The following CCDC70 variants were observed in gnomAD, a reference collection of about 807,000 sequenced individuals.
CCDC70 encodes coiled-coil domain-containing protein 70.
In CCDC70, 4 loss-of-function variants were observed where a neutral mutation model predicts 9.1. The observed-to-expected ratio is 0.44, with a 90% CI of 0.22 to 1.00. The LOEUF is 1.00. CCDC70 is among the 50% of genes least tolerant of loss of function. The probability of loss-of-function intolerance (pLI) is 0.25; values close to 1 mark genes in which losing one functional copy is unlikely to be tolerated. For missense variants in CCDC70, 308 were observed against 271.3 expected (o/e 1.14, Z -0.95); for synonymous variants, 119 against 94.0 (o/e 1.27, Z -1.54).
Position 51,865,558 on chromosome 13 carries a change from A to G in CCDC70, c.147A>G (p.Glu49=), listed in dbSNP as rs1198143822. ...GCGAAGAGATGAAAATTTTTCGTGAAAAAATAGAGGACTTCAGGGAAGAGA... is the reference window on the plus strand; with the variant it reads ...GCGAAGAGATGAAAATTTTTCGTGAGAAAATAGAGGACTTCAGGGAAGAGA... ...AFREEMKIFR[E]KIEDFREEMW... Residue 49 remains glutamate, a synonymous_variant, in exon 2 of 2, where the codon GAA becomes GAG. Coordinates refer to ENST00000242819, the MANE Select transcript of CCDC70 (RefSeq NM_031290.4). 5 of 1,614,238 alleles carry G rather than the reference A, an allele frequency of 3.1e-6. No individual in the cohort carries two copies. The South Asian group carries it at 3.3e-5, about 11-fold the overall frequency.
At chr13:51,863,178 A>T (rs1477789592) in intron 1 of CCDC70, among the ~76,000 whole-genome samples, 1 of 152,248 alleles carries the variant, frequency 6.6e-6, no homozygotes, top group Non-Finnish European at 1.5e-5. Context: ...CAAGAGCTGA[A>T]TAGAGCCCGT....
chr13:51,863,817 T>C (rs910715907), intron 1 of CCDC70, among the ~76,000 whole-genome samples: 1 of 152,024 alleles, frequency 6.6e-6, no homozygotes, highest in Non-Finnish European at 1.5e-5. Context: ...GGATGATGGG[T>C]TGGTGAGATC....
In CCDC70 at chr13:51,865,337, G is replaced by A. The variant is rs1271926596; in HGVS notation, c.-75G>A. ...CTTTTCTGCTGCCCCCACAGGGTCT[G>A]ACCAGCCGACCTGGACCTGGCCAAG... On this transcript the variant is annotated 5_prime_UTR_variant, in exon 2 of 2. Transcript: ENST00000242819. 1 of 1,523,282 alleles carries A rather than the reference G, an allele frequency of 6.6e-7. No individual in the cohort carries two copies. Among genetic ancestry groups the A allele is most frequent in the Admixed American group, 2.1e-5 (1 of 47,128 alleles). The allele number at this position is 1,523,282 out of a possible 1,614,324, so 94.4% of individuals were successfully genotyped here. A position where few individuals can be genotyped will look rare whatever the true frequency, so the allele number is the denominator to read the frequency against.
rs1326740147 is a variant in CCDC70, at chr13:51,865,544, A to G, written c.133A>G (p.Lys45Glu). Residue 45 changes from lysine to glutamate, a missense_variant, in exon 2 of 2, where the codon AAA becomes GAA. Coordinates refer to ENST00000242819, the MANE Select transcript of CCDC70 (RefSeq NM_031290.4). ...QEEKAFREEMKIFREKIEDFR... is the reference protein window; with the variant it reads ...QEEKAFREEMEIFREKIEDFR... Reference sequence around the variant, plus strand: ...GGAAAAGGCTTTTCGCGAAGAGATGAAAATTTTTCGTGAAAAAATAGAGGA... The same window carrying G: ...GGAAAAGGCTTTTCGCGAAGAGATGGAAATTTTTCGTGAAAAAATAGAGGA... 1.2e-6 allele frequency: 2 copies of G among 1,614,124 alleles called. No individual in the cohort carries two copies. The highest frequency in any genetic ancestry group is 1.7e-6 in the Non-Finnish European group (2 of 1,180,046).
At chr13:51,864,007 T>G (rs1300221812) in intron 1 of CCDC70, among the ~76,000 whole-genome samples, 1 of 152,168 alleles carries the variant, frequency 6.6e-6, no homozygotes, top group Admixed American at 6.5e-5. Flanking sequence ...GTTACAGGGA[T>G]TGCTATGGAT....
At chr13:51,863,688 C>CAT (rs1956398457) in intron 1 of CCDC70, among the ~76,000 whole-genome samples, 1 of 130,490 alleles carries the variant, frequency 7.7e-6, no homozygotes, top group Non-Finnish European at 1.7e-5. Context: ...CACACACACA[C>CAT]ACACACACAC....
rs767574950 is a variant in CCDC70 at position 51,865,498 on chromosome 13, ACTAATG to A, written c.89_94del (p.Leu30_Met31del). 6.2e-7 allele frequency: 1 copy of A among 1,614,220 alleles called. No individual in the cohort carries two copies. Among genetic ancestry groups the A allele is most frequent in the Admixed American group, 1.7e-5 (1 of 60,020 alleles). Reference sequence around the variant, plus strand: ...CCTCTCCCAGTATTCGCCAGAAGAAACTAATGCACAAGCTGCAGGAGGAAAAGGCTT... The same window carrying A: ...CCTCTCCCAGTATTCGCCAGAAGAAACACAAGCTGCAGGAGGAAAAGGCTT... On this transcript the variant is annotated inframe_deletion, in exon 2 of 2. Coordinates refer to ENST00000242819, the MANE Select transcript of CCDC70 (RefSeq NM_031290.4).
Position 51,865,817 on chromosome 13 carries a change from C to A in CCDC70, c.406C>A (p.Arg136=), listed in dbSNP as rs957715528. The A allele has an allele frequency of 6.2e-7, 1 of 1,614,148 alleles. No individual in the cohort carries two copies. The highest frequency in any genetic ancestry group is 1.3e-5 in the African/African-American group (1 of 75,022). The change falls in exon 2 of 2, where the codon CGG becomes AGG. Residue 136 remains arginine (R), a synonymous_variant. Transcript: ENST00000242819. ...GGACAATGCCTTATGGGAAAGAGAC[C>A]GGAACCTTCTTCAGGAGGACAAGGC... The part of the protein sequence containing the change: ...KEDNALWERD[R]NLLQEDKALW...
chr13:51,862,293 T>C (rs185013376), intron 1 of CCDC70, 64 bp downstream of exon 1: 1 of 152,324 alleles, frequency 6.6e-6, no homozygotes, highest in East Asian at 1.9e-4. Flanking sequence ...TATATAATAT[T>C]TTCCTTAAAA....
chr13:51,866,202 T>A lies in CCDC70; in HGVS notation c.*122T>A. The stretch of plus-strand genomic sequence containing the variant: ...GGTCTCCTTGCTTTGAAAGATCCAA[T>A]AAAGTCCTGAGGCAAGGTTTGGAAA... On this transcript the variant is annotated 3_prime_UTR_variant, in exon 2 of 2. Coordinates refer to ENST00000242819, the MANE Select transcript of CCDC70 (RefSeq NM_031290.4). 1.1e-6 allele frequency: 1 copy of A among 886,000 alleles called. No homozygotes were observed. Among genetic ancestry groups the A allele is most frequent in the Non-Finnish European group, 1.7e-6 (1 of 603,630 alleles). The allele number at this position is 886,000 out of a possible 1,614,324, so 54.9% of individuals were successfully genotyped here.
Position 51,865,481 on chromosome 13 carries a change from A to C in CCDC70, c.70A>C (p.Ser24Arg). ...CCGGTCCCTGGCGGCATCCTCTCCC[A>C]GTATTCGCCAGAAGAAACTAATGCA... is the stretch of plus-strand genomic sequence containing the variant. ...CFRSLAASSP[S>R]IRQKKLMHKL... is the part of the protein sequence containing the mutation. The change falls in exon 2 of 2, where the codon AGT becomes CGT. Residue 24 changes from serine to arginine, a missense_variant. Physicochemically the swap from Ser to Arg is moderately radical, Grantham distance 110. Transcript: ENST00000242819. The C allele has an allele frequency of 6.2e-7, 1 of 1,614,240 alleles. No homozygotes were observed. The highest frequency in any genetic ancestry group is 8.5e-7 in the Non-Finnish European group (1 of 1,180,042).
Position 51,865,945 on chromosome 13 carries a change from T to C in CCDC70, c.534T>C (p.Asn178=). The stretch of plus-strand genomic sequence containing the variant: ...AAACGTCCCTCTGGGAGGAAGAGAA[T>C]GCCCTCTGGGAGGAAGAGAGGGCCT... ...EDKTSLWEEE[N]ALWEEERAFW... is the part of the protein sequence containing the mutation. Residue 178 remains asparagine (N), a synonymous_variant, in exon 2 of 2, where the codon AAT becomes AAC. Coordinates refer to ENST00000242819, the MANE Select transcript of CCDC70 (RefSeq NM_031290.4). 2 of 1,613,874 alleles carry C rather than the reference T, an allele frequency of 1.2e-6. No homozygotes were observed. The highest frequency in any genetic ancestry group is 1.7e-6 in the Non-Finnish European group (2 of 1,179,942).
chr13:51,864,081 CCCTT>C (rs1956401795), intron 1 of CCDC70, among the ~76,000 whole-genome samples: 1 of 150,120 alleles, frequency 6.7e-6, no homozygotes, highest in Non-Finnish European at 1.5e-5. Context: ...TTCCCTCCCT[CCCTT>C]CCTTCCCTCC....
chr13:51,861,991 T>C lies in CCDC70; in HGVS notation c.-319T>C, dbSNP rs907895102. The C allele has an allele frequency of 1.3e-5, 2 of 152,280 alleles. No individual in the cohort carries two copies. Among genetic ancestry groups the C allele is most frequent in the Non-Finnish European group, 2.9e-5 (2 of 68,068 alleles). 9.4% of individuals were successfully genotyped at this position (152,280 alleles called of 1,614,324 possible). A position where few individuals can be genotyped will look rare whatever the true frequency, so the allele number is the denominator to read the frequency against. ...ACTGCCCTATCAGTGAAGTCAAAGA[T>C]TGAAGAGGAACTCTTTCAAACCTTT... On this transcript the variant is annotated 5_prime_UTR_variant, in exon 1 of 2. Coordinates refer to ENST00000242819, the MANE Select transcript of CCDC70 (RefSeq NM_031290.4).
chr13:51,866,085 C>A lies in CCDC70; in HGVS notation c.*5C>A, dbSNP rs1276832325. 6.4e-7 allele frequency: 1 copy of A among 1,561,504 alleles called. No individual in the cohort carries two copies. Among genetic ancestry groups the A allele is most frequent in the South Asian group, 1.2e-5 (1 of 81,558 alleles). On this transcript the variant is annotated 3_prime_UTR_variant, in exon 2 of 2. Transcript: ENST00000242819. ...TTCTCCCGAGGCAGGGCGTAGCCAG[C>A]ATGCAGGTGCAGGGCCCTGTGGTCC... is the stretch of plus-strand genomic sequence containing the variant.
intron 1 of CCDC70, among the ~76,000 whole-genome samples, chr13:51,863,536 TGAGGA>T (rs1956396503): frequency 1.3e-5 from 2 of 152,122 alleles, no homozygotes; most frequent in Admixed American, 1.3e-4. Flanking sequence ...GCTTGATGGT[TGAGGA>T]GAGAAGTCTG....
In CCDC70 at chr13:51,865,800, C is replaced by T. The variant is rs1410260413; in HGVS notation, c.389C>T (p.Ala130Val). ...EDKAFWKEDN[A>V]LWERDRNLLQ... ...AAGGCCTTCTGGAAAGAGGACAATGCCTTATGGGAAAGAGACCGGAACCTT... is the reference window on the plus strand; with the variant it reads ...AAGGCCTTCTGGAAAGAGGACAATGTCTTATGGGAAAGAGACCGGAACCTT... Residue 130 changes from alanine (A) to valine (V), a missense_variant, in exon 2 of 2, where the codon GCC (alanine) becomes GTC (valine). Ala to Val is a moderately conservative substitution (Grantham distance 64). Coordinates refer to ENST00000242819, the MANE Select transcript of CCDC70 (RefSeq NM_031290.4). 1.9e-6 allele frequency: 3 copies of T among 1,614,168 alleles called. No homozygotes were observed. Among genetic ancestry groups the T allele is most frequent in the Non-Finnish European group, 2.5e-6 (3 of 1,180,030 alleles).
Position 51,866,076 on chromosome 13 carries a change from C to T in CCDC70, c.665C>T (p.Ala222Val), listed in dbSNP as rs144193985. 396 of 1,569,098 alleles carry T rather than the reference C, an allele frequency of 2.5e-4. No individual in the cohort carries two copies. The African/African-American group carries it at 4.8e-3, about 19-fold the overall frequency. The change falls in exon 2 of 2, where the codon GCG becomes GTG. Residue 222 changes from alanine to valine, a missense_variant. Ala to Val is a moderately conservative substitution (Grantham distance 64). Coordinates refer to ENST00000242819, the MANE Select transcript of CCDC70 (RefSeq NM_031290.4). ...QRLLAFSRGR[A>V] ...TTGCTGGCCTTCTCCCGAGGCAGGG[C>T]GTAGCCAGCATGCAGGTGCAGGGCC...
In CCDC70 at chr13:51,865,924, G is replaced by T. The variant is rs372624057; in HGVS notation, c.513G>T (p.Thr171=). The part of the protein sequence containing the change: ...EGEKALWEDK[T]SLWEEENALW... The stretch of plus-strand genomic sequence containing the variant: ...AGAAAGCCCTGTGGGAAGATAAAAC[G>T]TCCCTCTGGGAGGAAGAGAATGCCC... The change falls in exon 2 of 2, where the codon ACG becomes ACT. Residue 171 remains threonine, a synonymous_variant. Coordinates refer to ENST00000242819, the MANE Select transcript of CCDC70 (RefSeq NM_031290.4). The T allele has an allele frequency of 6.2e-7, 1 of 1,614,014 alleles. No homozygotes were observed. The highest frequency in any genetic ancestry group is 1.7e-5 in the Admixed American group (1 of 59,980).
Sources: allele counts gnomAD v4.1 joint callset (sites outside exome capture counted in the v4.1 genomes callset), GRCh38; gene constraint gnomAD v4.1.1; transcripts MANE v1.5; gene names NCBI Gene and HGNC (gene_info 2026-07-23, HGNC 2026-07-21).